The following MUC17 variants were observed in gnomAD, a reference collection of about 807,000 sequenced individuals.
MUC17 encodes the protein mucin 17, cell surface associated.
A neutral mutation model predicts 170.3 loss-of-function variants in MUC17; 190 were observed. That is an observed-to-expected ratio of 1.12 (90% CI 0.99 to 1.26). The LOEUF is 1.26. Among genes scored for constraint, MUC17 ranks in the 50% most tolerant of loss-of-function variants. The probability of loss-of-function intolerance (pLI) is 0.00; values close to 1 mark genes in which losing one functional copy is unlikely to be tolerated. For synonymous variants in MUC17, 2,325 were observed against 2,002.5 expected (o/e 1.16, Z -4.30); for missense variants, 6,415 against 5,530.0 (o/e 1.16, Z -5.08).
intron 6 of MUC17, among the ~76,000 whole-genome samples, chr7:101,049,601 C>A (rs1011692601): frequency 1.3e-5 from 2 of 152,076 alleles, no homozygotes; most frequent in African/African-American, 4.8e-5. Flanking sequence ...CTCTGGAGGC[C>A]TCTCTCCTTG....
Position 101,043,183 on chromosome 7 carries a change from A to G in MUC17, c.11767A>G (p.Thr3923Ala). 6.2e-7 allele frequency: 1 copy of G among 1,614,088 alleles called. No homozygotes were observed. Among genetic ancestry groups the G allele is most frequent in the African/African-American group, 1.3e-5 (1 of 75,006 alleles). Reference sequence around the variant, plus strand: ...AACTCCCACAATTCCTGTAGCCACCACCATATCTGTATCAGTGATCACAGA... The same window carrying G: ...AACTCCCACAATTCCTGTAGCCACCGCCATATCTGTATCAGTGATCACAGA... ...ASTPTIPVAT[T>A]ISVSVITEGS... Residue 3923 changes from threonine (T) to alanine (A), a missense_variant, in exon 3 of 13, where the codon ACC (threonine) becomes GCC (alanine). Thr to Ala is a moderately conservative substitution (Grantham distance 58, BLOSUM62 0). Transcript: ENST00000306151.
chr7:101,058,058 G>A lies in MUC17; in HGVS notation c.*14G>A. 1 of 1,613,404 alleles carries A rather than the reference G, an allele frequency of 6.2e-7. No individual in the cohort carries two copies. The highest frequency in any genetic ancestry group is 8.5e-7 in the Non-Finnish European group (1 of 1,179,470). ...ACATCATTTTAAGGCATGGAGCTGAGAAGTCTGGGAGTGAGGAGATCCCAG... is the reference window on the plus strand; with the variant it reads ...ACATCATTTTAAGGCATGGAGCTGAAAAGTCTGGGAGTGAGGAGATCCCAG... On this transcript the variant is annotated 3_prime_UTR_variant, in exon 13 of 13. Coordinates refer to ENST00000306151, the MANE Select transcript of MUC17 (RefSeq NM_001040105.2).
rs141712687 is a variant in MUC17, at chr7:101,035,227, T to A, written c.3811T>A (p.Ser1271Thr). The change falls in exon 3 of 13, where the codon TCA becomes ACA. Residue 1271 changes from serine to threonine, a missense_variant. Coordinates refer to ENST00000306151, the MANE Select transcript of MUC17 (RefSeq NM_001040105.2). ...CGCTGAAGGTACCAGCTTGCCAACC[T>A]CAACTACTAGTGAAGGAAGTACTCT... is the stretch of plus-strand genomic sequence containing the variant. ...TTAEGTSLPT[S>T]TTSEGSTLLT... 2.6e-5 allele frequency: 42 copies of A among 1,609,294 alleles called. No individual in the cohort carries two copies. In the Middle Eastern group the frequency reaches 1.5e-3, roughly 57 times the overall value.
At chr7:101,053,266 G>A (rs1475519282) in intron 10 of MUC17, 73 bp from the exon 11 acceptor site, 5 of 1,583,374 alleles carry the variant, frequency 3.2e-6, no homozygotes, top group Non-Finnish European at 4.3e-6. Flanking sequence ...TAAAAATGGG[G>A]ATACAGCTTG....
chr7:101,034,309 C>G lies in MUC17; in HGVS notation c.2893C>G (p.Pro965Ala). ...CACTTCTACTGAAGCCACTTCATCT[C>G]CTACAACTGCTGAAGGTACCAGCAT... ...VTTSTEATSS[P>A]TTAEGTSIPT... The change falls in exon 3 of 13, where the codon CCT (proline) becomes GCT (alanine). Residue 965 changes from proline to alanine, a missense_variant. By Grantham distance (27) the Pro-to-Ala change is conservative (BLOSUM62 -1). Coordinates refer to ENST00000306151, the MANE Select transcript of MUC17 (RefSeq NM_001040105.2). 1 of 1,609,892 alleles carries G rather than the reference C, an allele frequency of 6.2e-7. No individual in the cohort carries two copies. Among genetic ancestry groups the G allele is most frequent in the Non-Finnish European group, 8.5e-7 (1 of 1,178,438 alleles).
Position 101,049,392 on chromosome 7 carries a change from T to C in MUC17, c.12722+10T>C. On this transcript the variant is annotated intron_variant, in intron 6 of 12. Transcript: ENST00000306151. ...ACATCACAAAGCTACGGTAAGTGTC[T>C]GGGCCCTTGGGAAGAGGGTCTGTGG... is the stretch of plus-strand genomic sequence containing the variant. The C allele has an allele frequency of 1.2e-6, 2 of 1,610,018 alleles. No individual in the cohort carries two copies. Among genetic ancestry groups the C allele is most frequent in the Non-Finnish European group, 1.7e-6 (2 of 1,177,998 alleles).
At position 101,052,895 on chromosome 7, in the gene MUC17, T is replaced by G. The variant is rs1794974972; in HGVS notation, c.13104-91T>G. 10 of 1,471,520 alleles carry G rather than the reference T, an allele frequency of 6.8e-6. No homozygotes were observed. In the South Asian group the frequency reaches 1.2e-4, roughly 18 times the overall value. 91.2% of individuals were successfully genotyped at this position (1,471,520 alleles called of 1,614,324 possible). Reference sequence around the variant, plus strand: ...CCTGGCAATCTCTTCTTGCCTCCTCTTCATTAAACACCCACTGGGCAGGGC... The same window carrying G: ...CCTGGCAATCTCTTCTTGCCTCCTCGTCATTAAACACCCACTGGGCAGGGC... On this transcript the variant is annotated intron_variant, in intron 9 of 12. Coordinates refer to ENST00000306151, the MANE Select transcript of MUC17 (RefSeq NM_001040105.2).
At chr7:101,045,629 G>A (rs948539983) in intron 3 of MUC17, among the ~76,000 whole-genome samples, 10 of 152,138 alleles carry the variant, frequency 6.6e-5, no homozygotes, top group Non-Finnish European at 1.5e-5. Flanking sequence ...CTGTCCTCAG[G>A]TGATCCACCC....
At position 101,033,928 on chromosome 7, in the gene MUC17, A is replaced by C; in HGVS notation, c.2512A>C (p.Thr838Pro). 17 of 1,613,752 alleles carry C rather than the reference A, an allele frequency of 1.1e-5. No homozygotes were observed. Among genetic ancestry groups the C allele is most frequent in the Non-Finnish European group, 1.4e-5 (17 of 1,179,820 alleles). The change falls in exon 3 of 13, where the codon ACC becomes CCC. Residue 838 changes from threonine (T) to proline (P), a missense_variant. Transcript: ENST00000306151. ...TCCTGTTGACTCCAACAGTCCTGTG[A>C]CCACTTCTACTGAAGTCAGTTCATC... is the stretch of plus-strand genomic sequence containing the variant. ...TTPVDSNSPV[T>P]TSTEVSSSPT...
rs1794366796 is a variant in MUC17, at chr7:101,033,784, A to G, written c.2368A>G (p.Thr790Ala). 1 of 1,613,680 alleles carries G rather than the reference A, an allele frequency of 6.2e-7. No individual in the cohort carries two copies. Among genetic ancestry groups the G allele is most frequent in the African/African-American group, 1.3e-5 (1 of 74,764 alleles). ...TACTGAAGCCAGTTGCTCTCCTACA[A>G]CCACTGAAGGTACCAGCATGCCAAT... The part of the protein sequence containing the change: ...TSTEASCSPT[T>A]TEGTSMPIST... Residue 790 changes from threonine to alanine, a missense_variant, in exon 3 of 13, where the codon ACC becomes GCC. Physicochemically the swap from Thr to Ala is moderately conservative, Grantham distance 58. Transcript: ENST00000306151.
Position 101,034,887 on chromosome 7 carries a change from A to G in MUC17, c.3471A>G (p.Glu1157=). 1 of 1,613,418 alleles carries G rather than the reference A, an allele frequency of 6.2e-7. No individual in the cohort carries two copies. The highest frequency in any genetic ancestry group is 8.5e-7 in the Non-Finnish European group (1 of 1,179,968). ...GTSIPTSPPS[E]GTTPLASMPV... is the part of the protein sequence containing the mutation. ...GCATACCAACCTCACCTCCCAGTGAAGGAACCACTCCGTTAGCAAGTATGC... is the reference window on the plus strand; with the variant it reads ...GCATACCAACCTCACCTCCCAGTGAGGGAACCACTCCGTTAGCAAGTATGC... The change falls in exon 3 of 13, where the codon GAA becomes GAG. Residue 1157 remains glutamate (E), a synonymous_variant. Transcript: ENST00000306151.
Position 101,033,931 on chromosome 7 carries a change from A to G in MUC17, c.2515A>G (p.Thr839Ala), listed in dbSNP as rs1382542086. The change falls in exon 3 of 13, where the codon ACT (threonine) becomes GCT (alanine). Residue 839 changes from threonine to alanine, a missense_variant. Physicochemically the swap from Thr to Ala is moderately conservative, Grantham distance 58. Coordinates refer to ENST00000306151, the MANE Select transcript of MUC17 (RefSeq NM_001040105.2). Reference protein sequence around the residue: ...TPVDSNSPVTTSTEVSSSPTP... With the variant: ...TPVDSNSPVTASTEVSSSPTP... ...TGTTGACTCCAACAGTCCTGTGACC[A>G]CTTCTACTGAAGTCAGTTCATCTCC... 1.2e-6 allele frequency: 2 copies of G among 1,613,808 alleles called. No homozygotes were observed. The highest frequency in any genetic ancestry group is 1.7e-6 in the Non-Finnish European group (2 of 1,179,854).
rs1794752805 is a variant in MUC17 at position 101,042,701 on chromosome 7, C to G, written c.11285C>G (p.Thr3762Ser). ...STLGTTILVSTTPVTRFPESS... is the reference protein window; with the variant it reads ...STLGTTILVSSTPVTRFPESS... ...CTTGGGACCACTATTCTTGTCAGTA[C>G]CACACCTGTTACGAGGTTTCCTGAG... The change falls in exon 3 of 13, where the codon ACC (threonine) becomes AGC (serine). Residue 3762 changes from threonine (T) to serine (S), a missense_variant. By Grantham distance (58) the Thr-to-Ser change is moderately conservative. Coordinates refer to ENST00000306151, the MANE Select transcript of MUC17 (RefSeq NM_001040105.2). The G allele has an allele frequency of 1.9e-6, 3 of 1,613,818 alleles. No individual in the cohort carries two copies. Among genetic ancestry groups the G allele is most frequent in the Non-Finnish European group, 1.7e-6 (2 of 1,180,018 alleles).
rs200331855 is a variant in MUC17 at position 101,031,878 on chromosome 7, A to G, written c.462A>G (p.Glu154=). ...GTDVPMSTPS[E]ESISSTMAFV... ...ACGTGCCCATGTCAACACCAAGTGA[A>G]GAAAGCATTTCATCAACAATGGCTT... Residue 154 remains glutamate, a synonymous_variant, in exon 3 of 13, where the codon GAA becomes GAG. Coordinates refer to ENST00000306151, the MANE Select transcript of MUC17 (RefSeq NM_001040105.2). The G allele has an allele frequency of 5.3e-5, 85 of 1,614,098 alleles. No individual in the cohort carries two copies. The highest frequency in any genetic ancestry group is 1.6e-4 in the Middle Eastern group (1 of 6,084).
At position 101,033,776 on chromosome 7, in the gene MUC17, C is replaced by A. The variant is rs375598176; in HGVS notation, c.2360C>A (p.Ser787Tyr). 6.8e-6 allele frequency: 11 copies of A among 1,613,986 alleles called. 1 individual carries two copies. In the African/African-American group the frequency reaches 1.2e-4, roughly 18 times the overall value. Residue 787 changes from serine (S) to tyrosine (Y), a missense_variant, in exon 3 of 13, where the codon TCT becomes TAT. Ser to Tyr is a moderately radical substitution (Grantham distance 144). Transcript: ENST00000306151. ...HITTSTEASC[S>Y]PTTTEGTSMP... Reference sequence around the variant, plus strand: ...ACCACTTCTACTGAAGCCAGTTGCTCTCCTACAACCACTGAAGGTACCAGC... The same window carrying A: ...ACCACTTCTACTGAAGCCAGTTGCTATCCTACAACCACTGAAGGTACCAGC...
At position 101,020,192 on chromosome 7, in the gene MUC17, GC is replaced by G. The variant is rs1794044455; in HGVS notation, c.62del (p.Pro21HisfsTer11). On this transcript the variant is annotated frameshift_variant, in exon 1 of 13. Transcript: ENST00000306151. LOFTEE classifies it high-confidence loss of function. ...TGCTGACCTTGGTCCTCTCGCTCTTGCCCCCACAAGCTGCTGCAGAACAGGG... is the reference window on the plus strand; with the variant it reads ...TGCTGACCTTGGTCCTCTCGCTCTTGCCCCACAAGCTGCTGCAGAACAGGG... The part of the protein sequence containing the change: ...CLLTLVLSLL[P>X]PQAAAEQDLS... 6.2e-7 allele frequency: 1 copy of G among 1,609,554 alleles called. No individual in the cohort carries two copies. The highest frequency in any genetic ancestry group is 8.5e-7 in the Non-Finnish European group (1 of 1,178,072).
rs938435082 is a variant in MUC17, at chr7:101,032,735, C to G, written c.1319C>G (p.Thr440Ser). The change falls in exon 3 of 13, where the codon ACC becomes AGC. Residue 440 changes from threonine (T) to serine (S), a missense_variant. By Grantham distance (58) the Thr-to-Ser change is moderately conservative. Transcript: ENST00000306151. ...TCATCTCCCACAACTGCTGAAGATA[C>G]CAGCATTGCAACCTCAACTCCTAGT... ...ASSSPTTAED[T>S]SIATSTPSEG... is the part of the protein sequence containing the mutation. 1 of 1,613,502 alleles carries G rather than the reference C, an allele frequency of 6.2e-7. No individual in the cohort carries two copies. The highest frequency in any genetic ancestry group is 1.3e-5 in the African/African-American group (1 of 74,792).
intron 4 of MUC17, 32 bp from the exon 5 acceptor site, chr7:101,048,813 G>A (rs781626598): frequency 6.2e-7 from 1 of 1,612,096 alleles, no homozygotes; most frequent in Non-Finnish European, 8.5e-7. Flanking sequence ...GAAACTCAGA[G>A]ATGCTTTGCT....
chr7:101,042,779 C>T lies in MUC17; in HGVS notation c.11363C>T (p.Ala3788Val). 1.2e-6 allele frequency: 2 copies of T among 1,614,168 alleles called. No homozygotes were observed. Among genetic ancestry groups the T allele is most frequent in the Middle Eastern group, 1.6e-4 (1 of 6,062 alleles). Residue 3788 changes from alanine to valine, a missense_variant, in exon 3 of 13, where the codon GCC (alanine) becomes GTC (valine). By Grantham distance (64) the Ala-to-Val change is moderately conservative. Coordinates refer to ENST00000306151, the MANE Select transcript of MUC17 (RefSeq NM_001040105.2). The stretch of plus-strand genomic sequence containing the variant: ...TACACCAGCATGTCTATGACCACTG[C>T]CTCTGAAGGCAGTTCATCTCCTACA... Reference protein sequence around the residue: ...SVYTSMSMTTASEGSSSPTTL... With the variant: ...SVYTSMSMTTVSEGSSSPTTL...
Sources: allele counts gnomAD v4.1 joint callset (sites outside exome capture counted in the v4.1 genomes callset), GRCh38; gene constraint gnomAD v4.1.1; transcripts MANE v1.5; gene names NCBI Gene and HGNC (gene_info 2026-07-23, HGNC 2026-07-21).